NR1H4: variants seen among roughly 807,000 people sequenced by gnomAD.
NR1H4 encodes the protein nuclear receptor subfamily 1 group H member 4.
A neutral mutation model predicts 58.5 loss-of-function variants in NR1H4; 23 were observed. The observed-to-expected ratio is 0.39, with a 90% CI of 0.28 to 0.56. The LOEUF is 0.56. NR1H4 is among the 20% of genes least tolerant of loss of function. The pLI is 0.58. For missense variants in NR1H4, 487 were observed against 576.9 expected (o/e 0.84, Z 1.60); for synonymous variants, 214 against 198.0 (o/e 1.08, Z -0.68).
intron 7 of NR1H4, 148 bp downstream of exon 7, chr12:100,536,758 A>T: frequency 1.5e-6 from 1 of 678,364 alleles, no homozygotes; most frequent in South Asian, 1.9e-5. Context: ...TCTCAGCAAC[A>T]TTAAACAATT....
At chr12:100,546,755 A>G (rs1440754595) in intron 9 of NR1H4, among the ~76,000 whole-genome samples, 1 of 151,980 alleles carries the variant, frequency 6.6e-6, no homozygotes, top group Non-Finnish European at 1.5e-5. Context: ...CCCTCCATCC[A>G]CTAACCCTCC....
intron 4 of NR1H4, 133 bp from the exon 5 acceptor site, chr12:100,532,325 G>A (rs1250603925): frequency 4.1e-6 from 3 of 730,766 alleles, no homozygotes; most frequent in Non-Finnish European, 7.3e-6. Context: ...TTTGTCACTG[G>A]TGTGCTCAAG....
chr12:100,533,153 C>T (rs1431347666), intron 5 of NR1H4, among the ~76,000 whole-genome samples: 1 of 152,148 alleles, frequency 6.6e-6, no homozygotes. Flanking sequence ...ATAATTTTGT[C>T]TTTCTATCTG....
chr12:100,484,866 A>T (rs1179451233), intron 1 of NR1H4, among the ~76,000 whole-genome samples: 1 of 152,166 alleles, frequency 6.6e-6, no homozygotes, highest in Non-Finnish European at 1.5e-5. Context: ...GGGAGGAATT[A>T]CTTTTTCCTC....
At chr12:100,491,163 A>T (rs891121110) in intron 1 of NR1H4, among the ~76,000 whole-genome samples, 1 of 151,878 alleles carries the variant, frequency 6.6e-6, no homozygotes. Flanking sequence ...CTCCCCGACA[A>T]CACCCCAGTT....
Position 100,541,289 on chromosome 12 carries a change from C to CT in NR1H4, c.1078+483dup, listed in dbSNP as rs60527013. On this transcript the variant is annotated intron_variant, in intron 9 of 10. Coordinates refer to ENST00000392986, the MANE Select transcript of NR1H4 (RefSeq NM_001206979.2). Reference sequence around the variant, plus strand: ...ACTTTTCTTTCTTTTTTCTTCCTTTCTTTTTTTTTTTTAGACACAGTCTTG... The same window carrying CT: ...ACTTTTCTTTCTTTTTTCTTCCTTTCTTTTTTTTTTTTTAGACACAGTCTTG... 7.5e-3 allele frequency among the ~76,000 whole-genome samples: 1,082 copies of CT among 144,534 alleles called. 7 individuals are homozygous for CT. The highest frequency in any genetic ancestry group is 8.3e-3 in the Non-Finnish European group (541 of 65,304). The allele number at this position is 144,534 out of a possible 152,430, so 94.8% of individuals were successfully genotyped here.
intron 4 of NR1H4, among the ~76,000 whole-genome samples, chr12:100,512,544 G>A (rs1954147284): frequency 6.6e-6 from 1 of 151,984 alleles, no homozygotes; most frequent in South Asian, 2.1e-4. Flanking sequence ...AGGAGGCTGA[G>A]GCAGGAGAAT....
intron 4 of NR1H4, among the ~76,000 whole-genome samples, chr12:100,527,510 C>T (rs766087341): frequency 2.6e-5 from 4 of 152,130 alleles, no homozygotes; most frequent in African/African-American, 7.2e-5. Flanking sequence ...CCACCCTGGG[C>T]GACAGAGCAA....
At chr12:100,532,807 G>A in intron 5 of NR1H4, among the ~76,000 whole-genome samples, 197 bp downstream of exon 5, 1 of 152,052 alleles carries the variant, frequency 6.6e-6, no homozygotes, top group East Asian at 1.9e-4. Context: ...AAAGAAATGG[G>A]TTTTTTTTGT....
intron 1 of NR1H4, among the ~76,000 whole-genome samples, chr12:100,478,089 C>T (rs1276060871): frequency 2.6e-5 from 4 of 151,760 alleles, no homozygotes; most frequent in Admixed American, 6.6e-5. Flanking sequence ...TATAGTCCTT[C>T]GCTGATAAAG....
At chr12:100,487,434 G>C (rs1953514726) in intron 1 of NR1H4, among the ~76,000 whole-genome samples, 1 of 152,036 alleles carries the variant, frequency 6.6e-6, no homozygotes, top group Non-Finnish European at 1.5e-5. Flanking sequence ...AGACTGATTA[G>C]GCTAACAGAG....
intron 3 of NR1H4, among the ~76,000 whole-genome samples, chr12:100,504,304 T>C (rs1393849830): frequency 6.6e-6 from 1 of 152,238 alleles, no homozygotes; most frequent in Non-Finnish European, 1.5e-5. Flanking sequence ...ACTCGAGTCA[T>C]TTTTATAATA....
intron 1 of NR1H4, among the ~76,000 whole-genome samples, chr12:100,484,092 GC>G (rs980598241): frequency 2.0e-5 from 3 of 151,230 alleles, no homozygotes; most frequent in African/African-American, 7.3e-5. Context: ...GTTTTTTCCT[GC>G]CCTTTAAAAA....
chr12:100,557,545 A>G (rs543764960), intron 9 of NR1H4, among the ~76,000 whole-genome samples: 1 of 152,334 alleles, frequency 6.6e-6, no homozygotes, highest in South Asian at 2.1e-4. Context: ...CGCATCCCTC[A>G]TCCAAATAGT....
At chr12:100,512,641 C>CA (rs35958048) in intron 4 of NR1H4, among the ~76,000 whole-genome samples, 19,128 of 138,146 alleles carry the variant, frequency 0.14, 2,586 homozygotes, top group African/African-American at 0.36. Flanking sequence ...ACTCCGTCTC[C>CA]AAAAAAAAAA....
chr12:100,529,656 C>A (rs1255541239), intron 4 of NR1H4, among the ~76,000 whole-genome samples: 1 of 152,254 alleles, frequency 6.6e-6, no homozygotes, highest in Middle Eastern at 3.4e-3. Context: ...TGTCTTTCCT[C>A]CCTCATGGTC....
chr12:100,547,317 G>A (rs1955094002), intron 9 of NR1H4, among the ~76,000 whole-genome samples: 1 of 152,104 alleles, frequency 6.6e-6, no homozygotes, highest in Admixed American at 6.6e-5. Context: ...CAAGTTCCTA[G>A]AATTAGATGC....
chr12:100,530,595 G>T (rs1469695125), intron 4 of NR1H4, among the ~76,000 whole-genome samples: 7 of 152,162 alleles, frequency 4.6e-5, no homozygotes, highest in Non-Finnish European at 8.8e-5. Context: ...TATTTTGAGG[G>T]AATGAAGAGA....
intron 4 of NR1H4, among the ~76,000 whole-genome samples, chr12:100,524,930 T>G (rs1259533745): frequency 6.6e-6 from 1 of 152,056 alleles, no homozygotes; most frequent in Non-Finnish European, 1.5e-5. Flanking sequence ...GAGGGAGTGT[T>G]GAGGTGGAAG....
Sources: allele counts gnomAD v4.1 joint callset (sites outside exome capture counted in the v4.1 genomes callset), GRCh38; gene constraint gnomAD v4.1.1; transcripts MANE v1.5; gene names NCBI Gene and HGNC (gene_info 2026-07-23, HGNC 2026-07-21).